TRAF3: variants seen among roughly 807,000 people sequenced by gnomAD.
TRAF3 encodes the protein TNF receptor-associated factor 3.
TRAF3 carries 13 observed loss-of-function variants against 62.3 expected under a neutral mutation model. The ratio of observed to expected loss-of-function variants is 0.21; its 90% CI spans 0.14 to 0.33. TRAF3 has a LOEUF of 0.33. Ranked by LOEUF, TRAF3 falls within the 10% of genes least tolerant of loss-of-function variation. TRAF3 has a pLI of 1.00. For synonymous variants in TRAF3, 269 were observed against 283.4 expected (o/e 0.95, Z 0.51); for missense variants, 440 against 741.8 (o/e 0.59, Z 4.73).
chr14:102,874,765 C>T (rs1888551859), intron 4 of TRAF3, among the ~76,000 whole-genome samples: 2 of 151,956 alleles, frequency 1.3e-5, no homozygotes, highest in Non-Finnish European at 2.9e-5. Flanking sequence ...GTCCTCTTGC[C>T]TCAGCCTCCT....
chr14:102,842,643 G>A (rs888638794), intron 2 of TRAF3, among the ~76,000 whole-genome samples: 8 of 152,216 alleles, frequency 5.3e-5, no homozygotes, highest in African/African-American at 1.7e-4. Context: ...TCCAAACAGA[G>A]CAAATATAAA....
intron 1 of TRAF3, among the ~76,000 whole-genome samples, chr14:102,786,009 C>CCA (rs1566735442): frequency 2.0e-5 from 3 of 152,292 alleles, no homozygotes; most frequent in Admixed American, 6.5e-5. Context: ...AGGGTTGAGA[C>CCA]GACAAGCTTC....
chr14:102,886,589 CTACTAAAAG>C (rs1176724195), intron 7 of TRAF3, among the ~76,000 whole-genome samples: 1 of 152,070 alleles, frequency 6.6e-6, no homozygotes, highest in African/African-American at 2.4e-5. Flanking sequence ...AACCCCGTCT[CTACTAAAAG>C]TACAAAAACT....
chr14:102,845,489 A>G (rs1193041138), intron 2 of TRAF3, among the ~76,000 whole-genome samples: 1 of 148,632 alleles, frequency 6.7e-6, no homozygotes, highest in Non-Finnish European at 1.5e-5. Flanking sequence ...AGGCATGAGC[A>G]CCGTGCCCAG....
At chr14:102,861,276 T>C (rs536836774) in intron 2 of TRAF3, among the ~76,000 whole-genome samples, 4 of 152,306 alleles carry the variant, frequency 2.6e-5, no homozygotes, top group Non-Finnish European at 4.4e-5. Flanking sequence ...GCAAGGCAGA[T>C]TAATCCAAAG....
chr14:102,806,266 T>C (rs1292409772), intron 1 of TRAF3, among the ~76,000 whole-genome samples: 1 of 152,212 alleles, frequency 6.6e-6, no homozygotes, highest in East Asian at 1.9e-4. Flanking sequence ...AGTGAATGTA[T>C]GACTGTTAAG....
At chr14:102,875,164 A>T (rs759094038) in intron 4 of TRAF3, among the ~76,000 whole-genome samples, 9 of 152,192 alleles carry the variant, frequency 5.9e-5, no homozygotes, top group Non-Finnish European at 1.2e-4. Context: ...CCATTTCTCC[A>T]GCAAGCGATC....
intron 1 of TRAF3, among the ~76,000 whole-genome samples, chr14:102,819,691 A>T (rs1899773761): frequency 6.6e-6 from 1 of 152,206 alleles, no homozygotes. Context: ...GTGTTTGGGA[A>T]TGTGGAATTT....
At chr14:102,856,299 A>G (rs2139757526) in intron 2 of TRAF3, among the ~76,000 whole-genome samples, 1 of 152,242 alleles carries the variant, frequency 6.6e-6, no homozygotes. Flanking sequence ...ATTGTATGCT[A>G]AACAAGGGGT....
intron 4 of TRAF3, among the ~76,000 whole-genome samples, chr14:102,872,990 C>G (rs1046046385): frequency 1.3e-5 from 2 of 152,334 alleles, no homozygotes; most frequent in East Asian, 3.9e-4. Context: ...CCGCACCCAG[C>G]AATTCATTCT....
intron 2 of TRAF3, among the ~76,000 whole-genome samples, chr14:102,833,354 T>G (rs1885768754): frequency 6.6e-6 from 1 of 152,244 alleles, no homozygotes; most frequent in South Asian, 2.1e-4. Context: ...ATTACTAAGT[T>G]ACTGTTTTTC....
intron 1 of TRAF3, among the ~76,000 whole-genome samples, chr14:102,787,613 G>T (rs1174687956): frequency 6.6e-6 from 1 of 152,134 alleles, no homozygotes. Context: ...CTTGAATTCG[G>T]GAGGTGGAGG....
intron 2 of TRAF3, among the ~76,000 whole-genome samples, chr14:102,853,816 C>T (rs372223485): frequency 2.2e-3 from 319 of 145,312 alleles, no homozygotes; most frequent in African/African-American, 6.5e-3. Context: ...CTAGCCTGGG[C>T]GACAGAGGCA....
chr14:102,887,804 C>A (rs1889483733), intron 7 of TRAF3, among the ~76,000 whole-genome samples: 1 of 151,962 alleles, frequency 6.6e-6, no homozygotes, highest in Non-Finnish European at 1.5e-5. Flanking sequence ...ACCTTGTTAG[C>A]CAGCATGGTC....
intron 4 of TRAF3, among the ~76,000 whole-genome samples, chr14:102,873,519 C>G (rs1888464363): frequency 6.6e-6 from 1 of 152,156 alleles, no homozygotes; most frequent in Non-Finnish European, 1.5e-5. Flanking sequence ...ACATAAGTAG[C>G]TGAAGAAAAA....
intron 1 of TRAF3, among the ~76,000 whole-genome samples, chr14:102,791,348 G>T (rs1278413788): frequency 3.3e-5 from 5 of 152,038 alleles, no homozygotes; most frequent in Non-Finnish European, 5.9e-5. Flanking sequence ...ATTCAATTAT[G>T]TCTCCTTTAA....
At chr14:102,835,797 A>G (rs943879814) in intron 2 of TRAF3, among the ~76,000 whole-genome samples, 2 of 152,156 alleles carry the variant, frequency 1.3e-5, no homozygotes, top group Non-Finnish European at 2.9e-5. Flanking sequence ...AAAAATAACC[A>G]TTGGGTTCTA....
intron 4 of TRAF3, among the ~76,000 whole-genome samples, chr14:102,872,192 A>G (rs1020334335): frequency 1.3e-5 from 2 of 152,016 alleles, no homozygotes; most frequent in Non-Finnish European, 2.9e-5. Context: ...GAGCTACTTC[A>G]CCCCCTCACC....
At chr14:102,836,287 C>T (rs973018008) in intron 2 of TRAF3, among the ~76,000 whole-genome samples, 1 of 152,208 alleles carries the variant, frequency 6.6e-6, no homozygotes, top group African/African-American at 2.4e-5. Flanking sequence ...TGCCACTGCT[C>T]TAACCTACAT....
Sources: gnomAD v4.1 joint callset for allele counts (sites outside exome capture counted in the v4.1 genomes callset) on GRCh38, gnomAD v4.1.1 for gene constraint, MANE v1.5 for transcripts, NCBI Gene and HGNC (gene_info 2026-07-23, HGNC 2026-07-21) for gene names.